Variants in VPS13D observed in about 807,000 individuals in gnomAD.
VPS13D encodes vacuolar protein sorting 13 homolog D.
In VPS13D, 187 loss-of-function variants were observed where a neutral mutation model predicts 461.9. That is an observed-to-expected ratio of 0.40 (90% CI 0.36 to 0.46). VPS13D has a LOEUF of 0.46. Among genes scored for constraint, VPS13D ranks in the 20% least tolerant of loss-of-function variants. The pLI is 0.60. For synonymous variants in VPS13D, 1,951 were observed against 1,986.3 expected (o/e 0.98, Z 0.47); for missense variants, 4,711 against 5,364.9 (o/e 0.88, Z 3.81).
chr1:12,473,653 T>G lies in VPS13D; in HGVS notation c.12662+13257T>G, dbSNP rs1398082461. On this transcript the variant is annotated intron_variant, in intron 67 of 69. Transcript: ENST00000620676. This position sits in a 1 kb window ranked among gnomAD's most constrained non-coding sequence, Gnocchi z 4.2. ...GGTAGGGCTCAAGAAATGGTGTCAG[T>G]GTGAATATTCTCCCCTGAATGTTGG... Among the ~76,000 whole-genome samples the G allele has an allele frequency of 1.3e-5, 2 of 152,148 alleles. No individual in the cohort carries two copies. Among genetic ancestry groups the G allele is most frequent in the Admixed American group, 1.3e-4 (2 of 15,282 alleles).
intron 64 of VPS13D, among the ~76,000 whole-genome samples, chr1:12,416,197 G>A (rs1344643049): frequency 6.6e-6 from 1 of 152,186 alleles, no homozygotes; most frequent in South Asian, 2.1e-4. Context: ...AAACAGTGGA[G>A]GTTTGCTTGA....
chr1:12,409,795 G>T, intron 63 of VPS13D: 1 of 447,038 alleles, frequency 2.2e-6, no homozygotes, highest in Non-Finnish European at 4.5e-6. Flanking sequence ...CAGATCGTGG[G>T]GGCGGGGTTG....
At chr1:12,416,583 T>C in intron 64 of VPS13D, 77 bp from the exon 65 acceptor site, 1 of 1,456,222 alleles carries the variant, frequency 6.9e-7, no homozygotes, top group South Asian at 1.3e-5. Context: ...ATTTCTAAGC[T>C]CTTCGCTTGG....
Position 12,263,205 on chromosome 1 carries a change from T to G in VPS13D, c.1594+1125T>G, listed in dbSNP as rs1641168586. On this transcript the variant is annotated intron_variant, in intron 13 of 69. Transcript: ENST00000620676. ...CACTCAGGACCACTAGGCAGCGTTT[T>G]AGCACTAGGGGCTTGTTTTAAACAG... Among the ~76,000 whole-genome samples the G allele has an allele frequency of 1.3e-5, 2 of 152,196 alleles. 1 individual carries two copies. Among genetic ancestry groups the G allele is most frequent in the South Asian group, 4.1e-4 (2 of 4,828 alleles).
chr1:12,294,210 A>T (rs1642210130), intron 24 of VPS13D, among the ~76,000 whole-genome samples: 1 of 152,232 alleles, frequency 6.6e-6, no homozygotes, highest in Admixed American at 6.5e-5. Context: ...ATAATAACAC[A>T]TAAATGGAAA....
At position 12,497,559 on chromosome 1, in the gene VPS13D, C is replaced by G. The variant is rs1188124960; in HGVS notation, c.12722C>G (p.Pro4241Arg). 6.2e-6 allele frequency: 10 copies of G among 1,613,974 alleles called. No homozygotes were observed. Among genetic ancestry groups the G allele is most frequent in the Admixed American group, 1.7e-5 (1 of 60,004 alleles). Residue 4241 changes from proline to arginine, a missense_variant, in exon 68 of 70, where the codon CCC becomes CGC. Pro to Arg is a moderately radical substitution (Grantham distance 103). This residue lies in a region of VPS13D where 194 missense variants were observed against 220.9 expected (regional missense o/e 0.88). Transcript: ENST00000620676. ...TGCACGGGGCCCCAGGGGCTGCTTC[C>G]CCGATATTCTGAGAGCCAGGCGGAA... ...RCCTGPQGLL[P>R]RYSESQAEGQ...
intron 36 of VPS13D, among the ~76,000 whole-genome samples, chr1:12,328,828 C>T (rs994489805): frequency 2.0e-4 from 30 of 152,304 alleles, no homozygotes; most frequent in African/African-American, 7.0e-4. Flanking sequence ...CATGAGCCAC[C>T]GCGCCTGGCG....
chr1:12,458,374 G>A (rs769574201), intron 66 of VPS13D, among the ~76,000 whole-genome samples: 1 of 152,164 alleles, frequency 6.6e-6, no homozygotes, highest in Non-Finnish European at 1.5e-5. Context: ...CTGAATTCCT[G>A]TTCTGTGTGT....
At chr1:12,485,135 G>A (rs184839933) in intron 67 of VPS13D, among the ~76,000 whole-genome samples, 7 of 152,218 alleles carry the variant, frequency 4.6e-5, no homozygotes, top group East Asian at 1.9e-4. Flanking sequence ...TTTTATTTTC[G>A]TAGTCATTTA....
chr1:12,472,936 G>A (rs1645581536), intron 67 of VPS13D, among the ~76,000 whole-genome samples: 1 of 152,188 alleles, frequency 6.6e-6, no homozygotes, highest in Admixed American at 6.5e-5. Context: ...GTGAGAAGCC[G>A]TTGCCAGTCC....
intron 63 of VPS13D, among the ~76,000 whole-genome samples, chr1:12,414,330 C>G (rs934478504): frequency 2.6e-5 from 4 of 151,932 alleles, no homozygotes; most frequent in Non-Finnish European, 4.4e-5. Flanking sequence ...CAGCATTATT[C>G]ATAATATCAA....
At chr1:12,353,781 A>G (rs978667918) in intron 46 of VPS13D, among the ~76,000 whole-genome samples, 193 bp from the exon 47 acceptor site, 1 of 152,186 alleles carries the variant, frequency 6.6e-6, no homozygotes, top group Admixed American at 6.5e-5. Context: ...GTCAGAGCTC[A>G]TCAAACTGAA....
At chr1:12,344,096 T>C (rs1167246722) in intron 42 of VPS13D, among the ~76,000 whole-genome samples, 1 of 152,212 alleles carries the variant, frequency 6.6e-6, no homozygotes, top group Non-Finnish European at 1.5e-5. Context: ...GATCATAAAA[T>C]ATCCAATAAA....
At chr1:12,468,582 G>A (rs1557458544) in intron 67 of VPS13D, among the ~76,000 whole-genome samples, 3 of 152,192 alleles carry the variant, frequency 2.0e-5, no homozygotes, top group African/African-American at 4.8e-5. Flanking sequence ...ATAGGTGTGG[G>A]TGTTATAATT....
At chr1:12,436,454 G>A (rs1286264282) in intron 65 of VPS13D, among the ~76,000 whole-genome samples, 2 of 152,146 alleles carry the variant, frequency 1.3e-5, no homozygotes, top group Admixed American at 1.3e-4. Flanking sequence ...TAGCAGGTGG[G>A]CCTCTGGAAT....
At chr1:12,304,099 T>C (rs1642496627) in intron 25 of VPS13D, among the ~76,000 whole-genome samples, 1 of 152,194 alleles carries the variant, frequency 6.6e-6, no homozygotes, top group Non-Finnish European at 1.5e-5. Flanking sequence ...CCATTAGATG[T>C]CTTTTCTTAA....
At chr1:12,328,175 G>T (rs1227945777) in intron 36 of VPS13D, among the ~76,000 whole-genome samples, 1 of 151,852 alleles carries the variant, frequency 6.6e-6, no homozygotes, top group Non-Finnish European at 1.5e-5. Flanking sequence ...ATACTGCTAG[G>T]CATTTAACAG....
intron 54 of VPS13D, among the ~76,000 whole-genome samples, chr1:12,373,279 C>T (rs1360111726): frequency 6.6e-6 from 1 of 151,470 alleles, no homozygotes; most frequent in Non-Finnish European, 1.5e-5. Flanking sequence ...TGCCTCCATG[C>T]CCGGCTAATT....
At chr1:12,259,672 T>C (rs895185128) in intron 10 of VPS13D, among the ~76,000 whole-genome samples, 1 of 152,184 alleles carries the variant, frequency 6.6e-6, no homozygotes, top group African/African-American at 2.4e-5. Context: ...ACAACTGAGA[T>C]GAGCAAGTAA....
Sources: gnomAD v4.1 joint callset for allele counts (sites outside exome capture counted in the v4.1 genomes callset) on GRCh38, gnomAD v4.1.1 for gene constraint, gnomAD v4.1.1 regional missense constraint, Gnocchi (gnomAD v3.1) non-coding constraint, MANE v1.5 for transcripts, NCBI Gene and HGNC (gene_info 2026-07-23, HGNC 2026-07-21) for gene names.